LSAMP: variants seen among roughly 807,000 people sequenced by gnomAD.
LSAMP encodes the protein limbic system-associated membrane protein.
A neutral mutation model predicts 38.6 loss-of-function variants in LSAMP; 7 were observed. The observed-to-expected ratio is 0.18, with a 90% CI of 0.10 to 0.34. The LOEUF (loss-of-function observed/expected upper bound fraction) is 0.34. Ranked by LOEUF, LSAMP falls within the 10% of genes least tolerant of loss-of-function variation. LSAMP has a pLI of 1.00. For synonymous variants in LSAMP, 154 were observed against 166.8 expected (o/e 0.92, Z 0.59); for missense variants, 313 against 420.0 (o/e 0.75, Z 2.23).
At chr3:116,433,084 C>T (rs1009835235) in intron 1 of LSAMP, among the ~76,000 whole-genome samples, 1 of 152,150 alleles carries the variant, frequency 6.6e-6, no homozygotes, top group Non-Finnish European at 1.5e-5. Context: ...ACAAAATGAA[C>T]AGCCCTAACA....
chr3:115,968,642 A>C (rs2107606976), intron 3 of LSAMP, among the ~76,000 whole-genome samples: 1 of 152,186 alleles, frequency 6.6e-6, no homozygotes, highest in South Asian at 2.1e-4. Flanking sequence ...CAGAGCTGTG[A>C]GCTGCACTGC....
At chr3:116,241,570 A>G (rs1055704338) in intron 1 of LSAMP, among the ~76,000 whole-genome samples, 13 of 150,920 alleles carry the variant, frequency 8.6e-5, no homozygotes, top group African/African-American at 3.2e-4. Context: ...TGTCTAAAAA[A>G]CAGATAGATA....
intron 1 of LSAMP, among the ~76,000 whole-genome samples, chr3:116,320,884 T>G (rs927430706): frequency 6.6e-6 from 1 of 152,322 alleles, no homozygotes; most frequent in African/African-American, 2.4e-5. Context: ...ATTTTCTTCC[T>G]CCCTTTAGGA....
Position 116,215,267 on chromosome 3 carries a change from A to G in LSAMP, c.156-128711T>C, listed in dbSNP as rs1191210911. Among the ~76,000 whole-genome samples the G allele has an allele frequency of 2.0e-5, 3 of 152,212 alleles. No individual in the cohort carries two copies. The East Asian group carries it at 5.8e-4, about 29-fold the overall frequency. On this transcript the variant is annotated intron_variant, in intron 1 of 6. Coordinates refer to ENST00000490035, the MANE Select transcript of LSAMP (RefSeq NM_002338.5). The stretch of plus-strand genomic sequence containing the variant: ...CATTCTTCCTTCCATCTATGATGAA[A>G]TCTTAGCTGGTCTTTGGTCACTCAG...
intron 2 of LSAMP, among the ~76,000 whole-genome samples, chr3:116,032,573 T>C (rs1380618525): frequency 6.6e-6 from 1 of 152,108 alleles, no homozygotes; most frequent in African/African-American, 2.4e-5. Context: ...TTTGGAAGGC[T>C]GAGGTGTGAA....
intron 1 of LSAMP, among the ~76,000 whole-genome samples, chr3:116,413,243 TTA>T (rs10545832): frequency 0.8 from 120,230 of 150,372 alleles, 48,263 homozygotes; most frequent in South Asian, 0.92. Context: ...TTTCATGACA[TTA>T]TATATATATA....
intron 1 of LSAMP, among the ~76,000 whole-genome samples, chr3:116,381,074 A>G (rs529628720): frequency 1.3e-5 from 2 of 152,176 alleles, no homozygotes; most frequent in African/African-American, 2.4e-5. Flanking sequence ...ATTTATTTTA[A>G]AAGAGATATT....
intron 1 of LSAMP, among the ~76,000 whole-genome samples, chr3:116,395,141 G>C (rs1026274956): frequency 2.0e-5 from 3 of 151,980 alleles, no homozygotes; most frequent in African/African-American, 4.8e-5. Flanking sequence ...GTAGTGACCT[G>C]TACATTCATT....
chr3:116,420,747 T>C (rs2107854381), intron 1 of LSAMP, among the ~76,000 whole-genome samples: 1 of 152,082 alleles, frequency 6.6e-6, no homozygotes, highest in East Asian at 2.0e-4. Flanking sequence ...CGTGGTGGTA[T>C]GCATCTGTTA....
intron 1 of LSAMP, among the ~76,000 whole-genome samples, chr3:116,355,081 G>A (rs1324162053): frequency 6.6e-6 from 1 of 151,822 alleles, no homozygotes; most frequent in African/African-American, 2.4e-5. Context: ...AAATAAAATC[G>A]ATGACATAAC....
chr3:116,109,402 A>T (rs1708546194), intron 1 of LSAMP, among the ~76,000 whole-genome samples: 1 of 152,088 alleles, frequency 6.6e-6, no homozygotes, highest in Non-Finnish European at 1.5e-5. Flanking sequence ...GAAAAGGAAG[A>T]TTAGAAAGAC....
chr3:116,085,545 C>T (rs1263604925), intron 2 of LSAMP, among the ~76,000 whole-genome samples: 6 of 152,176 alleles, frequency 3.9e-5, no homozygotes. Flanking sequence ...CTGATAGATA[C>T]ATTGAAACTG....
intron 2 of LSAMP, among the ~76,000 whole-genome samples, chr3:116,041,401 T>C (rs1053765231): frequency 2.6e-5 from 4 of 152,154 alleles, no homozygotes; most frequent in Admixed American, 2.6e-4. Flanking sequence ...GAAACACATA[T>C]GATCTCAAAA....
chr3:116,439,993 T>A (rs1559868932), intron 1 of LSAMP, among the ~76,000 whole-genome samples: 2 of 152,248 alleles, frequency 1.3e-5, no homozygotes, highest in Non-Finnish European at 2.9e-5. Flanking sequence ...AGTGCTGGGA[T>A]TACAGGCGTG....
At chr3:116,124,145 C>T (rs190766664) in intron 1 of LSAMP, among the ~76,000 whole-genome samples, 129 of 152,248 alleles carry the variant, frequency 8.5e-4, no homozygotes, top group Admixed American at 8.2e-3. Flanking sequence ...CACAAATGTG[C>T]AAATATGAGA....
intron 1 of LSAMP, among the ~76,000 whole-genome samples, chr3:116,420,022 G>GA (rs2049100802): frequency 6.6e-6 from 1 of 151,966 alleles, no homozygotes; most frequent in Non-Finnish European, 1.5e-5. Flanking sequence ...TTTCCTTCCT[G>GA]AAAACTGAGA....
chr3:116,294,467 A>T (rs762637369), intron 1 of LSAMP, among the ~76,000 whole-genome samples: 13 of 152,200 alleles, frequency 8.5e-5, no homozygotes, highest in South Asian at 4.1e-4. Context: ...GAATAAAAGC[A>T]TATGAAAATC....
In LSAMP at chr3:115,810,183, T is replaced by C; in HGVS notation, c.*134A>G. On this transcript the variant is annotated 3_prime_UTR_variant, in exon 7 of 7. Coordinates refer to ENST00000490035, the MANE Select transcript of LSAMP (RefSeq NM_002338.5). ...TCACTTTCTTATTTCCCCCTTCATG[T>C]ATAAACACACAAAGTTGTGAAATAA... The C allele has an allele frequency of 1.6e-6, 1 of 619,016 alleles. No individual in the cohort carries two copies. Among genetic ancestry groups the C allele is most frequent in the Non-Finnish European group, 2.8e-6 (1 of 353,434 alleles). The allele number at this position is 619,016 out of a possible 1,614,324, so 38.3% of individuals were successfully genotyped here. A position where few individuals can be genotyped will look rare whatever the true frequency, so the allele number is the denominator to read the frequency against.
chr3:116,066,873 C>A (rs1370723231), intron 2 of LSAMP, among the ~76,000 whole-genome samples: 1 of 152,130 alleles, frequency 6.6e-6, no homozygotes, highest in Non-Finnish European at 1.5e-5. Flanking sequence ...AAGCTACATT[C>A]TTCATGTTCT....
Sources: gnomAD v4.1 joint callset for allele counts (sites outside exome capture counted in the v4.1 genomes callset) on GRCh38, gnomAD v4.1.1 for gene constraint, MANE v1.5 for transcripts, NCBI Gene and HGNC (gene_info 2026-07-23, HGNC 2026-07-21) for gene names.